The following PGAP1 variants were observed in gnomAD, a reference collection of about 807,000 sequenced individuals.
PGAP1 encodes the protein post-GPI attachment to proteins inositol deacylase 1.
Under a neutral mutation model 127.0 loss-of-function variants are expected in PGAP1, and 76 were observed. The ratio of observed to expected loss-of-function variants is 0.60; its 90% CI spans 0.50 to 0.72. PGAP1 has a LOEUF of 0.72. PGAP1 is among the 30% of genes least tolerant of loss of function. The probability of loss-of-function intolerance (pLI) is 0.00; values close to 1 mark genes in which losing one functional copy is unlikely to be tolerated. For synonymous variants in PGAP1, 362 were observed against 366.5 expected (o/e 0.99, Z 0.14); for missense variants, 982 against 1,071.3 (o/e 0.92, Z 1.16).
intron 13 of PGAP1, among the ~76,000 whole-genome samples, chr2:196,877,911 A>G (rs1701614938): frequency 6.6e-6 from 1 of 152,198 alleles, no homozygotes; most frequent in Non-Finnish European, 1.5e-5. Context: ...TGAGACATAA[A>G]TAAATTATAA....
At chr2:196,912,240 A>G (rs1702847297) in intron 4 of PGAP1, among the ~76,000 whole-genome samples, 1 of 152,206 alleles carries the variant, frequency 6.6e-6, no homozygotes, top group Admixed American at 6.5e-5. Context: ...CATTGCTACT[A>G]TCTTACTTAA....
rs190004773 is a variant in PGAP1 at position 196,903,131 on chromosome 2, A to G, written c.650-389T>C. ...AATTTACCATGCTAGAGTTGTAGAC[A>G]TTTGTGGTGTTAGTTTCATGGTATA... On this transcript the variant is annotated intron_variant, in intron 4 of 26. Transcript: ENST00000354764. 2.4e-3 allele frequency among the ~76,000 whole-genome samples: 373 copies of G among 152,276 alleles called. 2 individuals are homozygous for G. The highest frequency in any genetic ancestry group is 8.5e-3 in the African/African-American group (355 of 41,558).
intron 1 of PGAP1, among the ~76,000 whole-genome samples, chr2:196,923,267 C>A (rs1324051370): frequency 6.6e-6 from 1 of 152,130 alleles, no homozygotes; most frequent in Non-Finnish European, 1.5e-5. Flanking sequence ...TGTGTCCCAG[C>A]GCATTACCAC....
At chr2:196,922,131 C>T in intron 1 of PGAP1, 2 of 1,286,050 alleles carry the variant, frequency 1.6e-6, no homozygotes, top group Non-Finnish European at 2.0e-6. Context: ...TCTCCACAAT[C>T]CTGCCTCTGC....
At chr2:196,872,630 A>AC in intron 17 of PGAP1, 81 bp from the exon 18 acceptor site, 1 of 947,214 alleles carries the variant, frequency 1.1e-6, no homozygotes, top group Non-Finnish European at 1.7e-6. Flanking sequence ...TCAGCACAAT[A>AC]CAACTGAATA....
At chr2:196,902,444 C>A (rs1173214113) in intron 5 of PGAP1, 141 bp downstream of exon 5, 5 of 609,406 alleles carry the variant, frequency 8.2e-6, no homozygotes, top group Non-Finnish European at 1.1e-5. Context: ...CCCTCTCTCT[C>A]TTACACACAT....
At chr2:196,892,627 C>T (rs1318439064) in intron 8 of PGAP1, among the ~76,000 whole-genome samples, 2 of 150,916 alleles carry the variant, frequency 1.3e-5, no homozygotes, top group African/African-American at 2.4e-5. Context: ...TCCTTTAACT[C>T]TAAGGAATTA....
chr2:196,843,872 T>C lies in PGAP1; in HGVS notation c.2525+16A>G. On this transcript the variant is annotated intron_variant, in intron 25 of 26. Transcript: ENST00000354764. ...GTTTGAACCACATAAACAATAATTA[T>C]ATCAATAAAACGCACCTAAGATTCT... The C allele has an allele frequency of 7.0e-7, 1 of 1,426,950 alleles. No individual in the cohort carries two copies. Among genetic ancestry groups the C allele is most frequent in the East Asian group, 2.4e-5 (1 of 41,320 alleles). The allele number at this position is 1,426,950 out of a possible 1,614,324, so 88.4% of individuals were successfully genotyped here. A position where few individuals can be genotyped will look rare whatever the true frequency, so the allele number is the denominator to read the frequency against.
At chr2:196,912,580 TAAAAAAA>T (rs531959600) in intron 4 of PGAP1, among the ~76,000 whole-genome samples, 12,573 of 82,368 alleles carry the variant, frequency 0.15, 702 homozygotes, top group African/African-American at 0.25. Flanking sequence ...ACCCTGTCTT[TAAAAAAA>T]AAAAAAAAAA....
chr2:196,862,547 T>C (rs898742214), intron 20 of PGAP1, among the ~76,000 whole-genome samples: 3 of 152,216 alleles, frequency 2.0e-5, no homozygotes, highest in Admixed American at 2.0e-4. Context: ...CCTCCCCTTC[T>C]GAAAATCTCT....
intron 18 of PGAP1, 32 bp from the exon 19 acceptor site, chr2:196,871,011 T>C (rs775506900): frequency 6.7e-7 from 1 of 1,482,980 alleles, no homozygotes; most frequent in Non-Finnish European, 9.4e-7. Context: ...AAAAAAAGGT[T>C]ATTTTCCTCT....
Position 196,846,018 on chromosome 2 carries a change from C to A in PGAP1, c.2151-1G>T. On this transcript the variant is annotated splice_acceptor_variant, in intron 22 of 26. Coordinates refer to ENST00000354764, the MANE Select transcript of PGAP1 (RefSeq NM_024989.4). LOFTEE classifies it high-confidence loss of function. Reference sequence around the variant, plus strand: ...GATATCTTTAGGAAGTTCAGAGGGTCTGGAATTATAAGAATAAAGTTTAAA... The same window carrying A: ...GATATCTTTAGGAAGTTCAGAGGGTATGGAATTATAAGAATAAAGTTTAAA... 1 of 1,559,958 alleles carries A rather than the reference C, an allele frequency of 6.4e-7. No individual in the cohort carries two copies. Among genetic ancestry groups the A allele is most frequent in the South Asian group, 1.2e-5 (1 of 81,622 alleles).
chr2:196,922,152 C>T (rs1326624798), intron 1 of PGAP1: 1 of 1,296,034 alleles, frequency 7.7e-7, no homozygotes, highest in South Asian at 1.3e-5. Context: ...TGTCCTCCTT[C>T]CTTGACTCTG....
intron 20 of PGAP1, among the ~76,000 whole-genome samples, chr2:196,862,612 T>C (rs1576115023): frequency 6.6e-6 from 1 of 152,230 alleles, no homozygotes; most frequent in East Asian, 1.9e-4. Flanking sequence ...CCTACCAACA[T>C]GTGATGTCTC....
intron 4 of PGAP1, among the ~76,000 whole-genome samples, chr2:196,911,606 T>TAAAA (rs56107551): frequency 4.5e-4 from 35 of 77,286 alleles, no homozygotes; most frequent in East Asian, 8.1e-4. Flanking sequence ...TAGAGTATAA[T>TAAAA]AAAAAAAAAA....
At chr2:196,887,383 C>CA (rs1214425186) in intron 10 of PGAP1, among the ~76,000 whole-genome samples, 4 of 151,868 alleles carry the variant, frequency 2.6e-5, no homozygotes, top group Admixed American at 6.6e-5. Flanking sequence ...GACTCCATCT[C>CA]AAAAAACAAA....
At position 196,839,948 on chromosome 2, in the gene PGAP1, C is replaced by T. The variant is rs76134552; in HGVS notation, c.*1286G>A. On this transcript the variant is annotated 3_prime_UTR_variant, in exon 27 of 27. Transcript: ENST00000354764. The stretch of plus-strand genomic sequence containing the variant: ...AGGATTTGGGCATTTACAGTCTACA[C>T]ATCTAGAAGAACTCTATAAGCCGGG... 1.3e-5 allele frequency: 2 copies of T among 152,240 alleles called. No individual in the cohort carries two copies. The highest frequency in any genetic ancestry group is 2.9e-5 in the Non-Finnish European group (2 of 68,060). The allele number at this position is 152,240 out of a possible 1,614,324, so 9.4% of individuals were successfully genotyped here.
chr2:196,886,534 C>T (rs1012900303), intron 10 of PGAP1, among the ~76,000 whole-genome samples: 1 of 152,156 alleles, frequency 6.6e-6, no homozygotes, highest in Admixed American at 6.5e-5. Flanking sequence ...AATGTCCATA[C>T]TTTAATTAGA....
chr2:196,888,956 T>TA (rs1277561644), intron 10 of PGAP1, among the ~76,000 whole-genome samples: 1 of 152,200 alleles, frequency 6.6e-6, no homozygotes, highest in East Asian at 1.9e-4. Context: ...TGATAACTGT[T>TA]AAAGCTGTGT....
Sources: allele counts gnomAD v4.1 joint callset (sites outside exome capture counted in the v4.1 genomes callset), GRCh38; gene constraint gnomAD v4.1.1; transcripts MANE v1.5; gene names NCBI Gene and HGNC (gene_info 2026-07-23, HGNC 2026-07-21).